The following ARPC2 variants were observed in gnomAD, a reference collection of about 807,000 sequenced individuals.
The protein encoded by ARPC2 is actin-related protein 2/3 complex subunit 2.
ARPC2 carries 4 observed loss-of-function variants against 38.6 expected under a neutral mutation model. The ratio of observed to expected loss-of-function variants is 0.10; its 90% CI spans 0.05 to 0.24. ARPC2 has a LOEUF of 0.24. ARPC2 is among the 10% of genes least tolerant of loss of function. ARPC2 has a pLI of 1.00. For synonymous variants in ARPC2, 125 were observed against 140.8 expected (o/e 0.89, Z 0.79); for missense variants, 229 against 387.3 (o/e 0.59, Z 3.43).
intron 2 of ARPC2, among the ~76,000 whole-genome samples, chr2:218,222,310 C>T (rs1247286367): frequency 2.0e-5 from 3 of 151,978 alleles, no homozygotes; most frequent in Non-Finnish European, 4.4e-5. Context: ...AGGGTGCATT[C>T]AGGAGTAAAA....
chr2:218,252,385 A>G (rs1034692634), intron 10 of ARPC2, among the ~76,000 whole-genome samples: 9 of 152,180 alleles, frequency 5.9e-5, no homozygotes, highest in African/African-American at 2.2e-4. Flanking sequence ...AGTGACCAAC[A>G]AGGTGGGTGG....
intron 10 of ARPC2, among the ~76,000 whole-genome samples, chr2:218,252,097 C>T (rs1690205801): frequency 6.6e-6 from 1 of 152,136 alleles, no homozygotes; most frequent in African/African-American, 2.4e-5. Context: ...GTAGTGCATG[C>T]CTGTAATCCC....
chr2:218,249,913 A>G lies in ARPC2; in HGVS notation c.870A>G (p.Lys290=), dbSNP rs781460283. 2.5e-6 allele frequency: 4 copies of G among 1,610,428 alleles called. No homozygotes were observed. The Admixed American group carries it at 6.7e-5, about 27-fold the overall frequency. ...ARPDAEKKEM[K]TITGKTFSSR ...CAGATGCCGAGAAAAAAGAAATGAAAACAATCACGTAAGTTAGGCAGCACC... is the reference window on the plus strand; with the variant it reads ...CAGATGCCGAGAAAAAAGAAATGAAGACAATCACGTAAGTTAGGCAGCACC... The change falls in exon 10 of 11, where the codon AAA becomes AAG. Residue 290 remains lysine, a synonymous_variant. Transcript: ENST00000315717.
At chr2:218,248,433 T>C (rs888877535) in intron 8 of ARPC2, among the ~76,000 whole-genome samples, 2 of 152,218 alleles carry the variant, frequency 1.3e-5, no homozygotes, top group African/African-American at 4.8e-5. Context: ...CATGCAGGCC[T>C]GCTGTAGTGC....
intron 2 of ARPC2, among the ~76,000 whole-genome samples, chr2:218,219,495 A>C (rs1433307040): frequency 2.0e-5 from 3 of 151,998 alleles, no homozygotes; most frequent in African/African-American, 7.2e-5. Context: ...GATTACAAGC[A>C]CGTGCTACCA....
At chr2:218,225,826 G>A in intron 2 of ARPC2, 94 bp from the exon 3 acceptor site, 1 of 1,184,700 alleles carries the variant, frequency 8.4e-7, no homozygotes, top group Non-Finnish European at 1.3e-6. Context: ...AGAATGGTCT[G>A]ATCTTAAGTG....
Position 218,234,362 on chromosome 2 carries a change from G to A in ARPC2, c.233G>A (p.Arg78Lys). The part of the protein sequence containing the change: ...QAHGADELLK[R>K]VYGSFLVNPE... ...GTTTTTATTTTCTAGTTATTAAAGA[G>A]GGTGTACGGGAGTTTCTTGGTAAAT... Residue 78 changes from arginine (R) to lysine (K), a missense_variant, in exon 5 of 11, where the codon AGG (arginine) becomes AAG (lysine). Coordinates refer to ENST00000315717, the MANE Select transcript of ARPC2 (RefSeq NM_152862.3). The A allele has an allele frequency of 6.2e-7, 1 of 1,603,262 alleles. No homozygotes were observed. Among genetic ancestry groups the A allele is most frequent in the Non-Finnish European group, 8.5e-7 (1 of 1,172,260 alleles).
At chr2:218,225,695 GCTGGCCTTCCTTTTTTAT>G (rs202199342) in intron 2 of ARPC2, among the ~76,000 whole-genome samples, 7,865 of 152,220 alleles carry the variant, frequency 0.052, 374 homozygotes, top group East Asian at 0.22. Flanking sequence ...AAAAGCTATA[GCTGGCCTTCCTTTTTTAT>G]CTGACCTTCC....
At chr2:218,243,931 T>G (rs1689972322) in intron 7 of ARPC2, among the ~76,000 whole-genome samples, 1 of 152,248 alleles carries the variant, frequency 6.6e-6, no homozygotes. Context: ...ACCTGTGAAT[T>G]AGAGCCTTGG....
At chr2:218,250,681 T>C (rs1054186024) in intron 10 of ARPC2, among the ~76,000 whole-genome samples, 2 of 130,350 alleles carry the variant, frequency 1.5e-5, no homozygotes, top group African/African-American at 5.2e-5. Context: ...AAAAAAAAAA[T>C]TTGAGGAGAG....
intron 9 of ARPC2, 103 bp downstream of exon 9, chr2:218,249,567 CT>C (rs1411642457): frequency 2.1e-6 from 2 of 942,728 alleles, no homozygotes; most frequent in Non-Finnish European, 3.2e-6. Context: ...TGGATATTGA[CT>C]CTTAGGTAAA....
At chr2:218,245,775 T>C (rs1299995656) in intron 8 of ARPC2, among the ~76,000 whole-genome samples, 1 of 152,184 alleles carries the variant, frequency 6.6e-6, no homozygotes, top group Non-Finnish European at 1.5e-5. Flanking sequence ...TTTCCCCATT[T>C]TTCTTAAATC....
At chr2:218,231,436 C>T (rs1409657222) in intron 4 of ARPC2, among the ~76,000 whole-genome samples, 5 of 152,202 alleles carry the variant, frequency 3.3e-5, no homozygotes, top group Non-Finnish European at 7.3e-5. Flanking sequence ...GGGATTTAAA[C>T]TAAATCCCCA....
chr2:218,244,344 G>T (rs1689982985), intron 7 of ARPC2, among the ~76,000 whole-genome samples: 1 of 152,206 alleles, frequency 6.6e-6, no homozygotes, highest in African/African-American at 2.4e-5. Flanking sequence ...GAGAGGGCTT[G>T]CTAATCAGTG....
At chr2:218,253,705 G>A (rs865973422) in intron 10 of ARPC2, among the ~76,000 whole-genome samples, 186 bp from the exon 11 acceptor site, 1 of 152,146 alleles carries the variant, frequency 6.6e-6, no homozygotes, top group Non-Finnish European at 1.5e-5. Flanking sequence ...GGAAGAGCTC[G>A]TGAAACCATT....
intron 6 of ARPC2, chr2:218,239,085 C>T: frequency 1.8e-6 from 1 of 561,424 alleles, no homozygotes; most frequent in Admixed American, 3.3e-5. Context: ...TCCTTTAAGG[C>T]ACCACTGTTC....
At chr2:218,253,726 C>T (rs1004918220) in intron 10 of ARPC2, among the ~76,000 whole-genome samples, 165 bp from the exon 11 acceptor site, 9 of 152,172 alleles carry the variant, frequency 5.9e-5, no homozygotes, top group African/African-American at 1.9e-4. Context: ...CTGTGAAAGC[C>T]AGATTTTAGC....
At position 218,217,380 on chromosome 2, in the gene ARPC2, A is replaced by G. The variant is rs1485791460; in HGVS notation, c.-8-83A>G. The G allele has an allele frequency of 3.9e-6, 5 of 1,291,328 alleles. No homozygotes were observed. The Admixed American group carries it at 5.2e-5, about 13-fold the overall frequency. The allele number at this position is 1,291,328 out of a possible 1,614,324, so 80.0% of individuals were successfully genotyped here. A position where few individuals can be genotyped will look rare whatever the true frequency, so the allele number is the denominator to read the frequency against. On this transcript the variant is annotated intron_variant, in intron 1 of 10. Coordinates refer to ENST00000315717, the MANE Select transcript of ARPC2 (RefSeq NM_152862.3). Reference sequence around the variant, plus strand: ...CCTCCTACCCCACCCAGCCCCACTCAGGGGGCAGCAGGGCCGCTCCCTCCG... The same window carrying G: ...CCTCCTACCCCACCCAGCCCCACTCGGGGGGCAGCAGGGCCGCTCCCTCCG...
intron 10 of ARPC2, among the ~76,000 whole-genome samples, chr2:218,250,826 T>C (rs1690170937): frequency 6.6e-6 from 1 of 152,032 alleles, no homozygotes. Flanking sequence ...TAAGATAAGG[T>C]AATAGTGTTC....
Sources: gnomAD v4.1 joint callset for allele counts (sites outside exome capture counted in the v4.1 genomes callset) on GRCh38, gnomAD v4.1.1 for gene constraint, MANE v1.5 for transcripts, NCBI Gene and HGNC (gene_info 2026-07-23, HGNC 2026-07-21) for gene names.